Variants in BTBD10 observed in about 807,000 individuals in gnomAD.
BTBD10 encodes BTB/POZ domain-containing protein 10.
In BTBD10, 21 loss-of-function variants were observed where a neutral mutation model predicts 53.2. That is an observed-to-expected ratio of 0.39 (90% CI 0.28 to 0.57). The LOEUF (loss-of-function observed/expected upper bound fraction) is 0.57, where lower values mean the gene tolerates loss of function less well. BTBD10 is among the 20% of genes least tolerant of loss of function. The pLI is 0.53. For missense variants in BTBD10, 360 were observed against 594.7 expected (o/e 0.61, Z 4.10); for synonymous variants, 149 against 192.7 (o/e 0.77, Z 1.88).
Position 13,445,108 on chromosome 11 carries a change from T to A in BTBD10, c.17A>T (p.His6Leu), listed in dbSNP as rs781040450. 8 of 1,613,270 alleles carry A rather than the reference T, an allele frequency of 5.0e-6. No homozygotes were observed. The highest frequency in any genetic ancestry group is 3.4e-6 in the Non-Finnish European group (4 of 1,179,388). Residue 6 changes from histidine (H) to leucine (L), a missense_variant, in exon 2 of 9, where the codon CAT becomes CTT. Transcript: ENST00000278174. ...ATCACTGGAGTTACCATCATAGGGA[T>A]GAGGCCGTCCTGCCATCCCACTCCA... MAGRP[H>L]PYDGNSSDPE...
At chr11:13,445,458 T>G (rs969963147) in intron 1 of BTBD10, among the ~76,000 whole-genome samples, 2 of 152,158 alleles carry the variant, frequency 1.3e-5, no homozygotes, top group Non-Finnish European at 2.9e-5. Flanking sequence ...AACTACTGTA[T>G]AGGTACCTCA....
chr11:13,429,961 C>G (rs1950416608), intron 2 of BTBD10, among the ~76,000 whole-genome samples: 1 of 151,918 alleles, frequency 6.6e-6, no homozygotes, highest in African/African-American at 2.4e-5. Flanking sequence ...TAAAAATTAG[C>G]CAGGAGTGGT....
intron 8 of BTBD10, among the ~76,000 whole-genome samples, chr11:13,393,406 G>C (rs1949457033): frequency 6.6e-6 from 1 of 152,108 alleles, no homozygotes; most frequent in Admixed American, 6.5e-5. Context: ...AAGGGACTTG[G>C]GATTGGTATG....
intron 5 of BTBD10, among the ~76,000 whole-genome samples, chr11:13,415,197 T>C (rs1950072130): frequency 6.8e-6 from 1 of 147,722 alleles, no homozygotes; most frequent in Non-Finnish European, 1.5e-5. Flanking sequence ...CACTGCAACC[T>C]TCGCCTCCTG....
At chr11:13,453,971 G>A (rs1009296663) in intron 1 of BTBD10, among the ~76,000 whole-genome samples, 7 of 152,254 alleles carry the variant, frequency 4.6e-5, no homozygotes, top group East Asian at 1.9e-4. Flanking sequence ...AGAATCGCTT[G>A]AACCTGGGAG....
At chr11:13,399,439 G>A (rs1949651364) in intron 8 of BTBD10, among the ~76,000 whole-genome samples, 1 of 152,054 alleles carries the variant, frequency 6.6e-6, no homozygotes, top group African/African-American at 2.4e-5. Flanking sequence ...ATTCTAGTTA[G>A]CCATTCGTCT....
intron 1 of BTBD10, chr11:13,459,870 C>A (rs554224600): frequency 6.6e-6 from 1 of 152,314 alleles, no homozygotes; most frequent in Admixed American, 6.5e-5. Context: ...GATGGCAACT[C>A]AGGGGATGGG....
intron 8 of BTBD10, among the ~76,000 whole-genome samples, chr11:13,396,788 A>G (rs185478060): frequency 1.5e-3 from 225 of 152,298 alleles, no homozygotes; most frequent in African/African-American, 5.2e-3. Flanking sequence ...TTCTGCATCT[A>G]TTGAGATAAT....
intron 2 of BTBD10, among the ~76,000 whole-genome samples, chr11:13,434,836 G>A (rs954720811): frequency 6.6e-6 from 1 of 152,192 alleles, no homozygotes; most frequent in African/African-American, 2.4e-5. Flanking sequence ...TATATATTTT[G>A]AAGAATATGC....
intron 1 of BTBD10, among the ~76,000 whole-genome samples, chr11:13,453,250 C>A (rs1001132192): frequency 6.6e-6 from 1 of 151,692 alleles, no homozygotes; most frequent in Non-Finnish European, 1.5e-5. Context: ...TATGTAATCC[C>A]ATATTTACAC....
intron 7 of BTBD10, among the ~76,000 whole-genome samples, chr11:13,404,950 T>C (rs1469036424): frequency 2.6e-5 from 4 of 152,162 alleles, no homozygotes; most frequent in Non-Finnish European, 4.4e-5. Context: ...ACAGACTATA[T>C]AGTACAGAAG....
At chr11:13,395,383 TG>T (rs1949518923) in intron 8 of BTBD10, among the ~76,000 whole-genome samples, 1 of 152,066 alleles carries the variant, frequency 6.6e-6, no homozygotes, top group African/African-American at 2.4e-5. Context: ...CACTTTTTGA[TG>T]GGGTTGTTTT....
intron 2 of BTBD10, among the ~76,000 whole-genome samples, chr11:13,434,559 A>C (rs1403490144): frequency 6.6e-6 from 1 of 152,232 alleles, no homozygotes; most frequent in Admixed American, 6.5e-5. Flanking sequence ...AGACTAGAAC[A>C]AGATTATGAC....
chr11:13,420,613 C>T (rs1007934461), intron 3 of BTBD10, among the ~76,000 whole-genome samples: 1 of 152,100 alleles, frequency 6.6e-6, no homozygotes, highest in African/African-American at 2.4e-5. Flanking sequence ...TCATCACTTT[C>T]ATCAGCTTTT....
At chr11:13,399,241 C>T (rs1445945573) in intron 8 of BTBD10, among the ~76,000 whole-genome samples, 9 of 152,234 alleles carry the variant, frequency 5.9e-5, no homozygotes, top group Admixed American at 2.6e-4. Flanking sequence ...AGGCTTTGTT[C>T]GTTTCTTTTT....
At chr11:13,416,630 C>A (rs1461708098) in intron 5 of BTBD10, among the ~76,000 whole-genome samples, 3 of 152,038 alleles carry the variant, frequency 2.0e-5, no homozygotes, top group African/African-American at 4.8e-5. Flanking sequence ...ATCCTATCAT[C>A]CTGAAGGTCA....
At chr11:13,412,219 C>T (rs1191440439) in intron 6 of BTBD10, among the ~76,000 whole-genome samples, 9 of 152,036 alleles carry the variant, frequency 5.9e-5, no homozygotes, top group Admixed American at 2.0e-4. Context: ...TTTGGGAGAC[C>T]GACGCAGGTG....
chr11:13,451,648 AAAC>A (rs968126497), intron 1 of BTBD10, among the ~76,000 whole-genome samples: 2 of 152,358 alleles, frequency 1.3e-5, no homozygotes, highest in East Asian at 1.9e-4. Flanking sequence ...AACAATAACA[AAAC>A]AACAACAACA....
intron 5 of BTBD10, 41 bp downstream of exon 5, chr11:13,417,117 G>A: frequency 7.0e-7 from 1 of 1,438,724 alleles, no homozygotes; most frequent in Non-Finnish European, 9.6e-7. Context: ...CCTCCAAGAA[G>A]GCGTCTTATG....
Sources: gnomAD v4.1 joint callset for allele counts (sites outside exome capture counted in the v4.1 genomes callset) on GRCh38, gnomAD v4.1.1 for gene constraint, MANE v1.5 for transcripts, NCBI Gene and HGNC (gene_info 2026-07-23, HGNC 2026-07-21) for gene names.